The following MYO10 variants were observed in gnomAD, a reference collection of about 807,000 sequenced individuals.
The protein encoded by MYO10 is unconventional myosin-X.
MYO10 carries 133 observed loss-of-function variants against 257.3 expected under a neutral mutation model. The ratio of observed to expected loss-of-function variants is 0.52; its 90% CI spans 0.45 to 0.60. The LOEUF is 0.60. Ranked by LOEUF, MYO10 falls within the 20% of genes least tolerant of loss-of-function variation. MYO10 has a pLI of 0.00. For missense variants in MYO10, 2,399 were observed against 2,635.7 expected (o/e 0.91, Z 1.97); for synonymous variants, 1,104 against 1,028.6 (o/e 1.07, Z -1.40).
intron 21 of MYO10, among the ~76,000 whole-genome samples, chr5:16,708,022 C>T (rs955812334): frequency 6.6e-6 from 1 of 152,212 alleles, no homozygotes; most frequent in African/African-American, 2.4e-5. Flanking sequence ...GGTGGCAACA[C>T]ACCAAAACAC....
intron 1 of MYO10, among the ~76,000 whole-genome samples, chr5:16,884,385 CAAAAAATAAAAAT>C (rs1744838817): frequency 1.3e-5 from 2 of 150,896 alleles, no homozygotes; most frequent in Non-Finnish European, 2.9e-5. Flanking sequence ...ACTCTGTCTC[CAAAAAATAAAAAT>C]AAAAAATAAA....
At chr5:16,762,003 C>T (rs1228602076) in intron 16 of MYO10, 42 bp downstream of exon 16, 11 of 1,467,006 alleles carry the variant, frequency 7.5e-6, no homozygotes, top group South Asian at 2.7e-5. Context: ...TCTCTGAATA[C>T]CAAACAGGCA....
chr5:16,806,907 C>A (rs1742293963), intron 3 of MYO10, among the ~76,000 whole-genome samples: 2 of 152,178 alleles, frequency 1.3e-5, no homozygotes, highest in African/African-American at 4.8e-5. Context: ...CCCCACATGA[C>A]CGCTATGTGC....
intron 4 of MYO10, among the ~76,000 whole-genome samples, chr5:16,789,233 A>G (rs576160394): frequency 2.2e-4 from 34 of 152,364 alleles, no homozygotes; most frequent in South Asian, 4.1e-4. Context: ...AGAGTTGATT[A>G]GTTGCAACAG....
intron 3 of MYO10, among the ~76,000 whole-genome samples, chr5:16,806,333 G>A (rs1169918765): frequency 6.7e-6 from 1 of 149,956 alleles, no homozygotes; most frequent in Non-Finnish European, 1.5e-5. Context: ...CTCCAGCCTG[G>A]GCCACAGAGT....
chr5:16,797,932 T>C (rs1290852760), intron 3 of MYO10, among the ~76,000 whole-genome samples: 1 of 152,224 alleles, frequency 6.6e-6, no homozygotes, highest in African/African-American at 2.4e-5. Context: ...ATTAGGAAGG[T>C]GATTACAAAG....
rs148601963 is a variant in MYO10 at position 16,692,632 on chromosome 5, C to T, written c.3800+1739G>A. 4.9e-3 allele frequency among the ~76,000 whole-genome samples: 745 copies of T among 151,996 alleles called. 11 individuals are homozygous for T. The highest frequency in any genetic ancestry group is 4.1e-3 in the Non-Finnish European group (279 of 67,980). On this transcript the variant is annotated intron_variant, in intron 27 of 40. Coordinates refer to ENST00000513610, the MANE Select transcript of MYO10 (RefSeq NM_012334.3). Reference sequence around the variant, plus strand: ...AAAAGGAGGTGGTTTGCTGGGGGAGCGGACTGGATAGAACTGTGGATGAAA... The same window carrying T: ...AAAAGGAGGTGGTTTGCTGGGGGAGTGGACTGGATAGAACTGTGGATGAAA...
At chr5:16,927,942 A>G (rs368750994) in intron 1 of MYO10, among the ~76,000 whole-genome samples, 1 of 152,232 alleles carries the variant, frequency 6.6e-6, no homozygotes, top group African/African-American at 2.4e-5. Flanking sequence ...TGCTCTTGGG[A>G]AAACGACCCA....
chr5:16,684,023 T>C (rs1200253927), intron 29 of MYO10, 88 bp from the exon 30 acceptor site: 4 of 1,214,144 alleles, frequency 3.3e-6, no homozygotes, highest in Non-Finnish European at 4.8e-6. Flanking sequence ...CAACTCCCAA[T>C]CAGACAGAAA....
At position 16,911,731 on chromosome 5, in the gene MYO10, T is replaced by C. The variant is rs532480627; in HGVS notation, c.21+24057A>G. ...TGGGTAACTGAGTGAGATCCTGTCT[T>C]AGACCAACAACAACAACAAAAATTG... On this transcript the variant is annotated intron_variant, in intron 1 of 40. Coordinates refer to ENST00000513610, the MANE Select transcript of MYO10 (RefSeq NM_012334.3). Among the ~76,000 whole-genome samples the C allele has an allele frequency of 2.0e-5, 3 of 152,082 alleles. No individual in the cohort carries two copies. In the South Asian group the frequency reaches 6.2e-4, roughly 32 times the overall value.
chr5:16,923,278 T>C (rs1746038238), intron 1 of MYO10, among the ~76,000 whole-genome samples: 1 of 151,256 alleles, frequency 6.6e-6, no homozygotes, highest in East Asian at 1.9e-4. Flanking sequence ...TATTTTCACC[T>C]GGCACTAAAC....
At chr5:16,753,260 G>A (rs1406183388) in intron 19 of MYO10, among the ~76,000 whole-genome samples, 10 of 151,986 alleles carry the variant, frequency 6.6e-5, no homozygotes, top group East Asian at 1.9e-4. Context: ...TCCGCCTCCC[G>A]GGTTCAGGCA....
intron 18 of MYO10, among the ~76,000 whole-genome samples, chr5:16,755,504 C>G (rs1478717697): frequency 6.6e-6 from 1 of 152,160 alleles, no homozygotes; most frequent in Non-Finnish European, 1.5e-5. Flanking sequence ...TGTCAACAAA[C>G]AAAAATCATC....
chr5:16,802,182 G>A (rs942247616), intron 3 of MYO10, among the ~76,000 whole-genome samples: 4 of 152,146 alleles, frequency 2.6e-5, no homozygotes, highest in African/African-American at 9.7e-5. Flanking sequence ...CTGGAGATGG[G>A]GGAAATGGGG....
chr5:16,686,560 GA>G (rs1737262300), intron 28 of MYO10, among the ~76,000 whole-genome samples: 1 of 151,656 alleles, frequency 6.6e-6, no homozygotes, highest in African/African-American at 2.4e-5. Context: ...TTATGAGATG[GA>G]ATGTGTCTTC....
At chr5:16,762,945 C>A (rs1436401732) in intron 14 of MYO10, among the ~76,000 whole-genome samples, 1 of 139,010 alleles carries the variant, frequency 7.2e-6, no homozygotes, top group East Asian at 2.1e-4. Context: ...GCCTGGGCGA[C>A]AGAGTGAGAC....
Position 16,842,919 on chromosome 5 carries a change from GAAAAAGGAAAAAAAAAA to G in MYO10, c.121-24769_121-24753del, listed in dbSNP as rs1302224951. Among the ~76,000 whole-genome samples, 4 of 105,344 alleles carry G rather than the reference GAAAAAGGAAAAAAAAAA, an allele frequency of 3.8e-5. 1 individual carries two copies. Among genetic ancestry groups the G allele is most frequent in the African/African-American group, 1.4e-4 (4 of 27,942 alleles). The allele number at this position is 105,344 out of a possible 152,430, so 69.1% of individuals were successfully genotyped here. ...TACTAAAAAAAAGAGAGAGAAAAAA[GAAAAAGGAAAAAAAAAA>G]AAAAAGGAACTTTGAAATACAGGCT... is the stretch of plus-strand genomic sequence containing the variant. On this transcript the variant is annotated intron_variant, in intron 2 of 40. Transcript: ENST00000513610.
rs1736419160 is a variant in MYO10, at chr5:16,670,827, T to C, written c.5582A>G (p.Lys1861Arg). The change falls in exon 39 of 41, where the codon AAG becomes AGG. Residue 1861 changes from lysine to arginine, a missense_variant. Transcript: ENST00000513610. ...LEEVYSLQRL[K>R]ARISQSTKTF... is the part of the protein sequence containing the mutation. The stretch of plus-strand genomic sequence containing the variant: ...TTTGGTTGACTGGCTGATGCGGGCC[T>C]TGAGTCTCTGCAGGGAATAAACCTC... 1 of 1,613,986 alleles carries C rather than the reference T, an allele frequency of 6.2e-7. No homozygotes were observed. The highest frequency in any genetic ancestry group is 8.5e-7 in the Non-Finnish European group (1 of 1,179,888).
chr5:16,766,159 G>C lies in MYO10; in HGVS notation c.1100C>G (p.Thr367Arg). ...CTGGGTCAAAGCATCTGTGAGCTGTGTTGGGTCCAGCCCAAGTAACTCCGC... is the reference window on the plus strand; with the variant it reads ...CTGGGTCAAAGCATCTGTGAGCTGTCTTGGGTCCAGCCCAAGTAACTCCGC... The part of the protein sequence containing the change: ...RSAELLGLDP[T>R]QLTDALTQRS... The change falls in exon 11 of 41, where the codon ACA becomes AGA. Residue 367 changes from threonine (T) to arginine (R), a missense_variant. By Grantham distance (71) the Thr-to-Arg change is moderately conservative. Coordinates refer to ENST00000513610, the MANE Select transcript of MYO10 (RefSeq NM_012334.3). The C allele has an allele frequency of 6.2e-7, 1 of 1,613,934 alleles. No individual in the cohort carries two copies. Among genetic ancestry groups the C allele is most frequent in the Non-Finnish European group, 8.5e-7 (1 of 1,179,846 alleles).
Sources: allele counts gnomAD v4.1 joint callset (sites outside exome capture counted in the v4.1 genomes callset), GRCh38; gene constraint gnomAD v4.1.1; transcripts MANE v1.5; gene names NCBI Gene and HGNC (gene_info 2026-07-23, HGNC 2026-07-21).